ZEB1: variants seen among roughly 807,000 people sequenced by gnomAD.
ZEB1 encodes zinc finger E-box-binding homeobox 1.
ZEB1 carries 21 observed loss-of-function variants against 84.9 expected under a neutral mutation model. That is an observed-to-expected ratio of 0.25 (90% CI 0.18 to 0.36). The LOEUF is 0.36. ZEB1 is among the 10% of genes least tolerant of loss of function. The pLI is 1.00. For missense variants in ZEB1, 1,104 were observed against 1,330.2 expected, an observed-to-expected ratio of 0.83 and a Z score of 2.65; for synonymous variants, 420 against 471.1, an observed-to-expected ratio of 0.89 and a Z score of 1.41.
At chr10:31,443,382 G>A (rs2059287588) in intron 1 of ZEB1, among the ~76,000 whole-genome samples, 1 of 150,040 alleles carries the variant, frequency 6.7e-6, no homozygotes, top group Non-Finnish European at 1.5e-5. Context: ...CTTATTCCAG[G>A]TTTGTAAAAG....
intron 1 of ZEB1, among the ~76,000 whole-genome samples, chr10:31,447,797 G>A (rs12256913): frequency 0.12 from 17,799 of 152,030 alleles, 2,638 homozygotes; most frequent in African/African-American, 0.34. Context: ...TAGTCTGATG[G>A]GCTTCCCTTT....
At chr10:31,362,063 TCATTTCCCACA>T (rs2043255016) in intron 1 of ZEB1, among the ~76,000 whole-genome samples, 1 of 149,758 alleles carries the variant, frequency 6.7e-6, no homozygotes. Flanking sequence ...GAGGCGCTCC[TCATTTCCCACA>T]CGGTGAGGAG....
At chr10:31,408,293 C>G (rs1192011697) in intron 1 of ZEB1, among the ~76,000 whole-genome samples, 2 of 150,670 alleles carry the variant, frequency 1.3e-5, no homozygotes, top group Non-Finnish European at 3.0e-5. Flanking sequence ...TAGGAAGAAT[C>G]AATATCGTGA....
In ZEB1 at chr10:31,478,326, T is replaced by A. The variant is rs1404245159; in HGVS notation, c.259+17089T>A. 2.6e-5 allele frequency among the ~76,000 whole-genome samples: 4 copies of A among 152,168 alleles called. 1 individual carries two copies. Among genetic ancestry groups the A allele is most frequent in the Admixed American group, 2.0e-4 (3 of 15,272 alleles). On this transcript the variant is annotated intron_variant, in intron 2 of 8. Coordinates refer to ENST00000424869, the MANE Select transcript of ZEB1 (RefSeq NM_001174096.2). ...AGATATTATCTTATACCAGTCAGAATGGCTATGATTAAAAGTCAGAAAACA... is the reference window on the plus strand; with the variant it reads ...AGATATTATCTTATACCAGTCAGAAAGGCTATGATTAAAAGTCAGAAAACA...
intron 1 of ZEB1, among the ~76,000 whole-genome samples, chr10:31,357,395 G>C (rs902290348): frequency 1.3e-5 from 2 of 152,066 alleles, no homozygotes; most frequent in Non-Finnish European, 2.9e-5. Flanking sequence ...AGTACAGCAG[G>C]AACAAGAGAC....
rs1248659008 is a variant in ZEB1, at chr10:31,461,027, T to G, written c.59-10T>G. 1 of 1,606,212 alleles carries G rather than the reference T, an allele frequency of 6.2e-7. No individual in the cohort carries two copies. Among genetic ancestry groups the G allele is most frequent in the African/African-American group, 1.3e-5 (1 of 74,700 alleles). Reference sequence around the variant, plus strand: ...TGGTTTTGATTATTTGTTTCTTGTTTGTATTACAGTTACAAATTATAATAC... The same window carrying G: ...TGGTTTTGATTATTTGTTTCTTGTTGGTATTACAGTTACAAATTATAATAC... On this transcript the variant is annotated splice_polypyrimidine_tract_variant and intron_variant, in intron 1 of 8. Transcript: ENST00000424869.
chr10:31,353,456 A>C (rs992472016), intron 1 of ZEB1, among the ~76,000 whole-genome samples: 3 of 152,218 alleles, frequency 2.0e-5, no homozygotes, highest in Non-Finnish European at 4.4e-5. Flanking sequence ...ATGAGCTACT[A>C]ATTGGTAGAA....
At chr10:31,452,294 A>T (rs569516025) in intron 1 of ZEB1, among the ~76,000 whole-genome samples, 2 of 152,280 alleles carry the variant, frequency 1.3e-5, no homozygotes, top group South Asian at 4.1e-4. Context: ...ATTATATAAC[A>T]TTACATTTGT....
chr10:31,361,949 C>T (rs1478060585), intron 1 of ZEB1, among the ~76,000 whole-genome samples: 10 of 149,816 alleles, frequency 6.7e-5, no homozygotes, highest in African/African-American at 4.9e-5. Flanking sequence ...CTCCTCGCTT[C>T]GCAGACGGGA....
chr10:31,332,620 G>T (rs1467187669), intron 1 of ZEB1, among the ~76,000 whole-genome samples: 1 of 151,990 alleles, frequency 6.6e-6, no homozygotes, highest in African/African-American at 2.4e-5. Flanking sequence ...TGTAATTCAG[G>T]CCTGGTATAT....
chr10:31,392,642 T>C (rs2049958627), intron 1 of ZEB1, among the ~76,000 whole-genome samples: 1 of 152,076 alleles, frequency 6.6e-6, no homozygotes, highest in Non-Finnish European at 1.5e-5. Flanking sequence ...CAGTAAAGTC[T>C]GCCTAGTTTA....
At position 31,523,983 on chromosome 10, in the gene ZEB1, G is replaced by A; in HGVS notation, c.2655G>A (p.Gln885=). The A allele has an allele frequency of 6.2e-7, 1 of 1,613,978 alleles. No homozygotes were observed. The highest frequency in any genetic ancestry group is 1.1e-5 in the South Asian group (1 of 91,084). ...AAGGAGTATCAAATGTAGAGGATCA[G>A]AATGACTCTGATTCTACACCGCCCA... ...SSEGVSNVED[Q]NDSDSTPPKK... The change falls in exon 8 of 9, where the codon CAG becomes CAA. Residue 885 remains glutamine, a synonymous_variant. Coordinates refer to ENST00000424869, the MANE Select transcript of ZEB1 (RefSeq NM_001174096.2).
intron 4 of ZEB1, among the ~76,000 whole-genome samples, chr10:31,504,007 T>A (rs2068536684): frequency 6.6e-6 from 1 of 152,046 alleles, no homozygotes; most frequent in South Asian, 2.1e-4. Flanking sequence ...GTTGTTTCCT[T>A]TGCTGAGTCT....
chr10:31,410,818 G>A (rs1002705950), intron 1 of ZEB1, among the ~76,000 whole-genome samples: 3 of 152,194 alleles, frequency 2.0e-5, no homozygotes, highest in African/African-American at 7.2e-5. Flanking sequence ...ATTCTCTGAT[G>A]GTAGTTTGTA....
chr10:31,474,716 T>C (rs1247155271), intron 2 of ZEB1, among the ~76,000 whole-genome samples: 5 of 152,162 alleles, frequency 3.3e-5, no homozygotes, highest in Admixed American at 6.5e-5. Context: ...ACTGGGTATA[T>C]ACCCAAAGGA....
chr10:31,437,986 T>G (rs1478951491), intron 1 of ZEB1, among the ~76,000 whole-genome samples: 2 of 152,232 alleles, frequency 1.3e-5, no homozygotes, highest in Admixed American at 1.3e-4. Context: ...TCTTAAAATT[T>G]TTTCATAAGA....
intron 1 of ZEB1, among the ~76,000 whole-genome samples, chr10:31,384,324 TAATC>T (rs1284549880): frequency 2.6e-5 from 4 of 152,264 alleles, no homozygotes; most frequent in South Asian, 2.1e-4. Context: ...GCTGGTTTGT[TAATC>T]AATCCATGAC....
intron 1 of ZEB1, among the ~76,000 whole-genome samples, chr10:31,458,313 G>T (rs185222995): frequency 1.0e-4 from 12 of 115,544 alleles, no homozygotes; most frequent in African/African-American, 3.7e-4. Context: ...TCTCCATTCC[G>T]TGTGTGTGTG....
rs747106769 is a variant in ZEB1, at chr10:31,363,298, G to A, written c.58+44006G>A. The A allele has an allele frequency of 3.2e-5, 49 of 1,533,118 alleles. No homozygotes were observed. The Admixed American group carries it at 3.5e-4, about 11-fold the overall frequency. The allele number at this position is 1,533,118 out of a possible 1,614,324, so 95.0% of individuals were successfully genotyped here. On this transcript the variant is annotated intron_variant, in intron 1 of 8. Coordinates refer to ENST00000424869, the MANE Select transcript of ZEB1 (RefSeq NM_001174096.2). ...TGGAAGTGGGTCAGGCTTCCCAAAG[G>A]GAAGGATGCCTCCAGCAGGGCTGTG...
Sources: allele counts gnomAD v4.1 joint callset (sites outside exome capture counted in the v4.1 genomes callset), GRCh38; gene constraint gnomAD v4.1.1; transcripts MANE v1.5; gene names NCBI Gene and HGNC (gene_info 2026-07-23, HGNC 2026-07-21).